The following PCSK5 variants were observed in gnomAD, a reference collection of about 807,000 sequenced individuals.
PCSK5 encodes prohormone convertase 5.
In PCSK5, 129 loss-of-function variants were observed where a neutral mutation model predicts 233.2. That is an observed-to-expected ratio of 0.55 (90% CI 0.48 to 0.64). The LOEUF is 0.64. Among genes scored for constraint, PCSK5 ranks in the 30% least tolerant of loss-of-function variants. The pLI is 0.00. For synonymous variants in PCSK5, 825 were observed against 879.2 expected, an observed-to-expected ratio of 0.94 and a Z score of 1.09; for missense variants, 2,076 against 2,430.1, an observed-to-expected ratio of 0.85 and a Z score of 3.06.
intron 7 of PCSK5, among the ~76,000 whole-genome samples, chr9:76,086,502 GA>G (rs1444142075): frequency 6.6e-6 from 1 of 152,102 alleles, no homozygotes; most frequent in East Asian, 1.9e-4. Context: ...TGAGGTCTGA[GA>G]AAAAACAGAA....
intron 21 of PCSK5, among the ~76,000 whole-genome samples, chr9:76,228,675 C>T (rs1282031025): frequency 6.6e-6 from 1 of 152,232 alleles, no homozygotes; most frequent in Non-Finnish European, 1.5e-5. Context: ...TATTTTTTGG[C>T]TACCGAGTAT....
chr9:76,092,489 C>T (rs1831337766), intron 7 of PCSK5, among the ~76,000 whole-genome samples: 1 of 152,190 alleles, frequency 6.6e-6, no homozygotes, highest in Admixed American at 6.5e-5. Context: ...CCTTGACCTC[C>T]TGGGCTCAAG....
intron 3 of PCSK5, among the ~76,000 whole-genome samples, chr9:76,015,978 G>C (rs1272208): frequency 6.6e-6 from 1 of 152,034 alleles, no homozygotes; most frequent in African/African-American, 2.4e-5. Context: ...ATGATTATTT[G>C]ACACTTTTAC....
At chr9:76,099,096 C>T (rs11144751) in intron 8 of PCSK5, among the ~76,000 whole-genome samples, 10,741 of 152,180 alleles carry the variant, frequency 0.071, 515 homozygotes, top group East Asian at 0.24. Context: ...TAACTTAATT[C>T]GTTTCTTCCT....
intron 24 of PCSK5, among the ~76,000 whole-genome samples, chr9:76,277,576 C>T (rs1373634644): frequency 6.6e-6 from 1 of 152,196 alleles, no homozygotes; most frequent in Non-Finnish European, 1.5e-5. Flanking sequence ...GGGAGTTGTG[C>T]CCCACTGTCA....
intron 5 of PCSK5, among the ~76,000 whole-genome samples, chr9:76,047,241 C>T (rs984992709): frequency 6.6e-6 from 1 of 152,062 alleles, no homozygotes. Flanking sequence ...GGACTACAGG[C>T]GCCCGCCACC....
intron 24 of PCSK5, among the ~76,000 whole-genome samples, chr9:76,267,677 G>A (rs1488416021): frequency 6.6e-6 from 1 of 152,112 alleles, no homozygotes; most frequent in Non-Finnish European, 1.5e-5. Context: ...TGCCCCATTG[G>A]CAGGTGCTAA....
intron 1 of PCSK5, among the ~76,000 whole-genome samples, chr9:75,917,118 A>G (rs1053147532): frequency 1.3e-5 from 2 of 151,420 alleles, no homozygotes; most frequent in African/African-American, 4.9e-5. Flanking sequence ...GCAGTGAGCC[A>G]AGATTGTGCC....
At chr9:76,102,880 A>G (rs999963790) in intron 8 of PCSK5, among the ~76,000 whole-genome samples, 1 of 152,222 alleles carries the variant, frequency 6.6e-6, no homozygotes, top group East Asian at 1.9e-4. Context: ...AACTTAGCAA[A>G]TAAATATTGT....
At chr9:75,989,491 C>T (rs1826671572) in intron 3 of PCSK5, among the ~76,000 whole-genome samples, 1 of 101,164 alleles carries the variant, frequency 9.9e-6, no homozygotes, top group Admixed American at 1.1e-4. Flanking sequence ...GAGACCCCCT[C>T]AAATAAAAAA....
At chr9:76,046,559 C>CTTTTT (rs553542037) in intron 5 of PCSK5, among the ~76,000 whole-genome samples, 41 of 104,816 alleles carry the variant, frequency 3.9e-4, no homozygotes, top group Admixed American at 8.6e-4. Flanking sequence ...CTTTCTTTTT[C>CTTTTT]TTTTTTTTTT....
chr9:75,890,112 G>A (rs571362860), upstream of PCSK5, among the ~76,000 whole-genome samples: 1 of 152,344 alleles, frequency 6.6e-6, no homozygotes, highest in East Asian at 1.9e-4. Context: ...TTTCGAAAGT[G>A]AGCAGGCAAC....
At chr9:76,085,129 G>A (rs950998107) in intron 7 of PCSK5, among the ~76,000 whole-genome samples, 7 of 152,160 alleles carry the variant, frequency 4.6e-5, no homozygotes, top group East Asian at 1.9e-4. Flanking sequence ...AGCTCCTGTC[G>A]AGTGGGTCAG....
At chr9:75,927,006 G>A (rs1039948535) in intron 1 of PCSK5, among the ~76,000 whole-genome samples, 8 of 152,102 alleles carry the variant, frequency 5.3e-5, no homozygotes, top group African/African-American at 9.7e-5. Flanking sequence ...TGCCTAGATC[G>A]TGAGGAGAGT....
intron 20 of PCSK5, chr9:76,193,592 T>C: frequency 2.4e-6 from 1 of 409,554 alleles, no homozygotes; most frequent in South Asian, 4.7e-5. Context: ...GGGTGTTTAG[T>C]GCTAAACAGC....
At chr9:76,106,453 T>A (rs188002337) in intron 8 of PCSK5, among the ~76,000 whole-genome samples, 15 of 152,364 alleles carry the variant, frequency 9.8e-5, no homozygotes, top group Admixed American at 8.5e-4. Context: ...TGAGAAACAT[T>A]GCCTTTGCTG....
intron 14 of PCSK5, among the ~76,000 whole-genome samples, chr9:76,179,354 C>T (rs1055409525): frequency 6.6e-6 from 1 of 152,084 alleles, no homozygotes; most frequent in African/African-American, 2.4e-5. Flanking sequence ...CTTTGAAGAC[C>T]AGGCCATGAC....
intron 24 of PCSK5, among the ~76,000 whole-genome samples, chr9:76,289,723 C>A (rs752894945): frequency 2.0e-5 from 3 of 152,136 alleles, no homozygotes; most frequent in Non-Finnish European, 4.4e-5. Context: ...ACTTGTGGAT[C>A]TTCTGGGGTG....
chr9:76,026,195 T>G (rs919982202), intron 4 of PCSK5, among the ~76,000 whole-genome samples: 10 of 152,220 alleles, frequency 6.6e-5, no homozygotes, highest in African/African-American at 2.4e-4. Context: ...ACTAGTAATT[T>G]TTTTTCAGTA....
Sources: allele counts gnomAD v4.1 joint callset (sites outside exome capture counted in the v4.1 genomes callset), GRCh38; gene constraint gnomAD v4.1.1; transcripts MANE v1.5; gene names NCBI Gene and HGNC (gene_info 2026-07-23, HGNC 2026-07-21).